Variants in ACSBG1 observed in about 807,000 individuals in gnomAD.
ACSBG1 encodes acyl-CoA synthetase bubblegum family member 1, also known as long-chain-fatty-acid--CoA ligase ACSBG1.
In ACSBG1, 39 loss-of-function variants were observed where a neutral mutation model predicts 80.2. The observed-to-expected ratio is 0.49, with a 90% CI of 0.38 to 0.64. The LOEUF (loss-of-function observed/expected upper bound fraction) is 0.64. Ranked by LOEUF, ACSBG1 falls within the 30% of genes least tolerant of loss-of-function variation. The pLI, the probability that ACSBG1 is intolerant of heterozygous loss-of-function variation, is 0.00. For missense variants in ACSBG1, 828 were observed against 966.4 expected (o/e 0.86, Z 1.90); for synonymous variants, 392 against 379.5 (o/e 1.03, Z -0.38).
intron 5 of ACSBG1, among the ~76,000 whole-genome samples, chr15:78,189,202 A>G (rs1397087131): frequency 2.7e-5 from 4 of 150,276 alleles, no homozygotes; most frequent in Admixed American, 2.0e-4. Context: ...GAGAAATAGG[A>G]ACACTTTTAC....
At position 78,178,471 on chromosome 15, in the gene ACSBG1, CGT is replaced by C. The variant is rs2074905397; in HGVS notation, c.1702+141_1702+142del. The C allele has an allele frequency of 3.4e-6, 3 of 883,052 alleles. No homozygotes were observed. The highest frequency in any genetic ancestry group is 5.0e-6 in the Non-Finnish European group (3 of 603,410). The allele number at this position is 883,052 out of a possible 1,614,324, so 54.7% of individuals were successfully genotyped here. ...ATGCCACCACGCCCAGCTAATTTTT[CGT>C]GTGTTTTTAGTAGAGATGGGGTTTC... On this transcript the variant is annotated intron_variant, in intron 11 of 13. Transcript: ENST00000258873. The surrounding 1 kb of genome is among the most constrained non-coding windows in gnomAD (Gnocchi z 4.3).
At chr15:78,186,719 C>A (rs2075008507) in intron 5 of ACSBG1, among the ~76,000 whole-genome samples, 1 of 152,018 alleles carries the variant, frequency 6.6e-6, no homozygotes, top group African/African-American at 2.4e-5. Context: ...CAAGAGAAAG[C>A]AGGAAAGATC....
chr15:78,195,982 C>A (rs2075110505), intron 2 of ACSBG1, among the ~76,000 whole-genome samples: 1 of 152,212 alleles, frequency 6.6e-6, no homozygotes. Flanking sequence ...GATCTGGGGG[C>A]TGGGACAGGA....
intron 1 of ACSBG1, among the ~76,000 whole-genome samples, chr15:78,225,443 T>G (rs1209535003): frequency 7.9e-6 from 1 of 126,336 alleles, no homozygotes. Flanking sequence ...AAAAATAAAT[T>G]AAAAAATAAA....
chr15:78,186,350 C>T (rs2075004575), intron 5 of ACSBG1, among the ~76,000 whole-genome samples: 1 of 152,176 alleles, frequency 6.6e-6, no homozygotes, highest in South Asian at 2.1e-4. Flanking sequence ...GAACTCTCCA[C>T]CCCAAATCAA....
At chr15:78,219,717 G>A (rs2075344957) in intron 1 of ACSBG1, among the ~76,000 whole-genome samples, 1 of 152,256 alleles carries the variant, frequency 6.6e-6, no homozygotes, top group Middle Eastern at 3.4e-3. Context: ...GGGCGCGGTG[G>A]CTAATGCCTG....
chr15:78,193,658 G>A (rs1391107663), intron 4 of ACSBG1, 32 bp from the exon 5 acceptor site: 4 of 1,601,580 alleles, frequency 2.5e-6, no homozygotes, highest in South Asian at 2.3e-5. Context: ...TCACCTTAGG[G>A]GAGGTGCAGA....
At chr15:78,194,799 G>A (rs915814928) in intron 2 of ACSBG1, 73 bp from the exon 3 acceptor site, 180 of 1,474,054 alleles carry the variant, frequency 1.2e-4, no homozygotes, top group East Asian at 2.1e-4. Context: ...GGCAGAGCTC[G>A]CAGCCCGTCT....
At chr15:78,188,002 A>G (rs955660925) in intron 5 of ACSBG1, among the ~76,000 whole-genome samples, 1 of 152,228 alleles carries the variant, frequency 6.6e-6, no homozygotes, top group African/African-American at 2.4e-5. Context: ...TCAATGTACA[A>G]AAATCACAAG....
chr15:78,181,834 C>A, intron 8 of ACSBG1, 135 bp downstream of exon 8: 1 of 1,184,428 alleles, frequency 8.4e-7, no homozygotes, highest in Non-Finnish European at 1.2e-6. Context: ...AGGCTGTGCC[C>A]ACTGCAGCTG....
chr15:78,215,778 GAAA>G (rs1567096448), intron 1 of ACSBG1, among the ~76,000 whole-genome samples: 3 of 149,416 alleles, frequency 2.0e-5, no homozygotes, highest in African/African-American at 7.6e-5. Context: ...AAGAAAGAAA[GAAA>G]GAAAGAGAAA....
chr15:78,225,323 C>T (rs973334197), intron 1 of ACSBG1, among the ~76,000 whole-genome samples: 1 of 151,626 alleles, frequency 6.6e-6, no homozygotes, highest in Admixed American at 6.6e-5. Context: ...ATTGCTTGAA[C>T]CTGGGAGGCA....
At chr15:78,196,058 G>A (rs553994325) in intron 2 of ACSBG1, among the ~76,000 whole-genome samples, 16 of 152,304 alleles carry the variant, frequency 1.1e-4, no homozygotes, top group South Asian at 2.1e-4. Flanking sequence ...AGACCCAAAC[G>A]GGATACATGG....
chr15:78,219,512 T>C (rs935749531), intron 1 of ACSBG1, among the ~76,000 whole-genome samples: 6 of 152,004 alleles, frequency 3.9e-5, no homozygotes, highest in African/African-American at 1.4e-4. Flanking sequence ...CAAAACATTA[T>C]TGAATGAAAT....
intron 4 of ACSBG1, 132 bp from the exon 5 acceptor site, chr15:78,193,758 G>GAGC: frequency 6.9e-7 from 1 of 1,444,604 alleles, no homozygotes; most frequent in East Asian, 2.5e-5. Context: ...CAAGGCACCT[G>GAGC]AGCACCTCCT....
chr15:78,218,492 C>T (rs1241604765), intron 1 of ACSBG1, among the ~76,000 whole-genome samples: 1 of 152,154 alleles, frequency 6.6e-6, no homozygotes, highest in African/African-American at 2.4e-5. Flanking sequence ...GCAGTGGGGA[C>T]ACAGAGCAGA....
At chr15:78,216,144 TC>T (rs1265786318) in intron 1 of ACSBG1, among the ~76,000 whole-genome samples, 6 of 152,332 alleles carry the variant, frequency 3.9e-5, no homozygotes, top group African/African-American at 1.4e-4. Context: ...ATTGATTTCT[TC>T]CTGCCCCAGT....
At chr15:78,227,251 CAATT>C (rs2075412644) in intron 1 of ACSBG1, among the ~76,000 whole-genome samples, 1 of 123,544 alleles carries the variant, frequency 8.1e-6, no homozygotes, top group African/African-American at 3.0e-5. Flanking sequence ...AAAAGATACA[CAATT>C]AATAAAATGA....
intron 12 of ACSBG1, 145 bp from the exon 13 acceptor site, chr15:78,173,984 T>C (rs2074856025): frequency 2.0e-6 from 2 of 1,021,658 alleles, no homozygotes; most frequent in Admixed American, 2.9e-5. Context: ...GAGTAGCTGC[T>C]ACTGTGTTGA....
Sources: allele counts gnomAD v4.1 joint callset (sites outside exome capture counted in the v4.1 genomes callset), GRCh38; gene constraint gnomAD v4.1.1; non-coding constraint Gnocchi (gnomAD v3.1); transcripts MANE v1.5; gene names NCBI Gene and HGNC (gene_info 2026-07-23, HGNC 2026-07-21).